The following BMP1 variants were observed in gnomAD, a reference collection of about 807,000 sequenced individuals.
BMP1 encodes the protein bone morphogenetic protein 1.
BMP1 carries 63 observed loss-of-function variants against 116.8 expected under a neutral mutation model. The observed-to-expected ratio is 0.54, with a 90% CI of 0.44 to 0.67. BMP1 has a LOEUF of 0.67. Among genes scored for constraint, BMP1 ranks in the 30% least tolerant of loss-of-function variants. BMP1 has a pLI of 0.00. For synonymous variants in BMP1, 536 were observed against 533.4 expected, an observed-to-expected ratio of 1.00 and a Z score of -0.07; for missense variants, 1,183 against 1,358.9, an observed-to-expected ratio of 0.87 and a Z score of 2.04.
rs113719738 is a variant in BMP1 at position 22,191,863 on chromosome 8, G to C, written c.1078-186G>C. 3.1e-3 allele frequency among the ~76,000 whole-genome samples: 466 copies of C among 152,352 alleles called. 4 individuals are homozygous for C. Among genetic ancestry groups the C allele is most frequent in the African/African-American group, 0.011 (448 of 41,586 alleles). On this transcript the variant is annotated intron_variant, in intron 8 of 19. Transcript: ENST00000306385. ...CCCTCCTGGGCCTTCTAGGAAGAAA[G>C]CTGACCATACACAGACAACTGTGGA...
chr8:22,209,541 A>G lies in BMP1; in HGVS notation c.2672A>G (p.Glu891Gly). 1 of 1,614,166 alleles carries G rather than the reference A, an allele frequency of 6.2e-7. No individual in the cohort carries two copies. Among genetic ancestry groups the G allele is most frequent in the Non-Finnish European group, 8.5e-7 (1 of 1,180,012 alleles). Residue 891 changes from glutamate (E) to glycine (G), a missense_variant, in exon 19 of 20, where the codon GAG becomes GGG. Glu to Gly is a moderately conservative substitution (Grantham distance 98). Around this residue, in one of 4 missense-constraint regions of BMP1, gnomAD observed 956 missense variants for 1,135.2 expected, o/e 0.84. Transcript: ENST00000306385. ...AACTACCCTGGGGGTGTGGACTGTG[A>G]GTGGGTCATTGTGGCCGAGGAAGGC... Reference protein sequence around the residue: ...DNNYPGGVDCEWVIVAEEGYG... With the variant: ...DNNYPGGVDCGWVIVAEEGYG...
rs1828554633 is a variant in BMP1 at position 22,179,653 on chromosome 8, C to G, written c.837-52C>G. On this transcript the variant is annotated intron_variant, in intron 6 of 19. Coordinates refer to ENST00000306385, the MANE Select transcript of BMP1 (RefSeq NM_006129.5). The surrounding 1 kb of genome is among the most constrained non-coding windows in gnomAD (Gnocchi z 4.6). Reference sequence around the variant, plus strand: ...GTACAGATGGGCATGCCACCCACTCCCTGCCCACTGTCCATGAGACGCTCA... The same window carrying G: ...GTACAGATGGGCATGCCACCCACTCGCTGCCCACTGTCCATGAGACGCTCA... 2.5e-6 allele frequency: 4 copies of G among 1,610,174 alleles called. No individual in the cohort carries two copies. Among genetic ancestry groups the G allele is most frequent in the Non-Finnish European group, 3.4e-6 (4 of 1,177,886 alleles).
Position 22,195,591 on chromosome 8 carries a change from A to G in BMP1, c.1765+4A>G. ...CCAGACAAGCGCCGCTGTGAGGGTG[A>G]GTGCCCCCAGACTGCCTCTGACCCT... On this transcript the variant is annotated splice_donor_region_variant and intron_variant, in intron 13 of 19. Coordinates refer to ENST00000306385, the MANE Select transcript of BMP1 (RefSeq NM_006129.5). The G allele has an allele frequency of 6.2e-7, 1 of 1,610,882 alleles. No homozygotes were observed. The highest frequency in any genetic ancestry group is 8.5e-7 in the Non-Finnish European group (1 of 1,179,356).
intron 8 of BMP1, among the ~76,000 whole-genome samples, chr8:22,181,495 A>G (rs985901110): frequency 2.0e-5 from 3 of 151,604 alleles, no homozygotes; most frequent in African/African-American, 7.3e-5. Flanking sequence ...TTGAATACCT[A>G]AGGTGATGAG....
chr8:22,177,956 A>C lies in BMP1; in HGVS notation c.835A>C (p.Arg279=). 2 of 1,605,640 alleles carry C rather than the reference A, an allele frequency of 1.2e-6. No individual in the cohort carries two copies. Among genetic ancestry groups the C allele is most frequent in the Non-Finnish European group, 1.7e-6 (2 of 1,173,524 alleles). The change falls in exon 6 of 20, where the codon AGG becomes CGG. Residue 279 remains arginine, a splice_region_variant and synonymous_variant. Transcript: ENST00000306385. ...GCATTACGCTCGGAACACATTCTCC[A>C]GGTGGGAGACGGGATTGGGGCTGGG... ...IMHYARNTFS[R]GIFLDTIVPK...
chr8:22,197,944 G>A (rs1829140064), intron 15 of BMP1, among the ~76,000 whole-genome samples: 1 of 152,192 alleles, frequency 6.6e-6, no homozygotes, highest in Non-Finnish European at 1.5e-5. Flanking sequence ...CAGCACTCAG[G>A]AAGGCCGAGG....
chr8:22,180,303 G>A, intron 7 of BMP1, 65 bp from the exon 8 acceptor site: 1 of 1,335,306 alleles, frequency 7.5e-7, no homozygotes, highest in South Asian at 1.2e-5. Flanking sequence ...TTCAGGGGTG[G>A]GTGAGCCAGA....
At chr8:22,189,798 CG>C (rs1828879178) in intron 8 of BMP1, among the ~76,000 whole-genome samples, 1 of 152,162 alleles carries the variant, frequency 6.6e-6, no homozygotes, top group African/African-American at 2.4e-5. Context: ...TCTACTCCCT[CG>C]CAAGAGCTAG....
chr8:22,187,441 C>T (rs1037908577), intron 8 of BMP1, among the ~76,000 whole-genome samples: 3 of 151,454 alleles, frequency 2.0e-5, no homozygotes, highest in Admixed American at 2.0e-4. Context: ...AGCCATTCTC[C>T]TGCCTCAGCC....
chr8:22,201,973 G>A (rs747310506), intron 16 of BMP1, 45 bp downstream of exon 16: 1 of 1,576,972 alleles, frequency 6.3e-7, no homozygotes. Context: ...AGGACCTGCT[G>A]CTGGGAGTGG....
chr8:22,165,570 C>A lies in BMP1; in HGVS notation c.148+17C>A, dbSNP rs1162966900. The A allele has an allele frequency of 6.4e-7, 1 of 1,569,880 alleles. No individual in the cohort carries two copies. Among genetic ancestry groups the A allele is most frequent in the Non-Finnish European group, 8.6e-7 (1 of 1,162,230 alleles). On this transcript the variant is annotated intron_variant, in intron 1 of 19. Coordinates refer to ENST00000306385, the MANE Select transcript of BMP1 (RefSeq NM_006129.5). Reference sequence around the variant, plus strand: ...GCAAGGCGGGTGAGCGCCCCCCGGCCCCCCGGCGACGGGCCAGGCGGGGAG... The same window carrying A: ...GCAAGGCGGGTGAGCGCCCCCCGGCACCCCGGCGACGGGCCAGGCGGGGAG...
At chr8:22,176,744 T>C (rs1828448091) in intron 4 of BMP1, 94 bp downstream of exon 4, 1 of 1,375,470 alleles carries the variant, frequency 7.3e-7, no homozygotes, top group Non-Finnish European at 1.0e-6. Context: ...GGGCACAGCC[T>C]TGGGTCCCTT....
At chr8:22,195,060 G>A (rs1829043068) in intron 12 of BMP1, 141 bp downstream of exon 12, 2 of 916,822 alleles carry the variant, frequency 2.2e-6, no homozygotes, top group Admixed American at 6.3e-5. Context: ...GGAGCTCTGG[G>A]CTAGCTGGGG....
chr8:22,167,174 G>T (rs2131834494), intron 1 of BMP1, among the ~76,000 whole-genome samples: 1 of 152,208 alleles, frequency 6.6e-6, no homozygotes, highest in South Asian at 2.1e-4. Context: ...TGGGATTGCT[G>T]GTGTCTCCTT....
chr8:22,206,399 G>A (rs959276747), intron 16 of BMP1, among the ~76,000 whole-genome samples: 9 of 151,954 alleles, frequency 5.9e-5, no homozygotes, highest in Non-Finnish European at 1.3e-4. Flanking sequence ...ATACTGAGGA[G>A]GCTAAGGCAG....
chr8:22,185,110 T>C (rs1260010429), intron 8 of BMP1, among the ~76,000 whole-genome samples: 2 of 152,160 alleles, frequency 1.3e-5, no homozygotes, highest in Non-Finnish European at 2.9e-5. Context: ...GGACTGACAG[T>C]GTTTCCCCAG....
chr8:22,177,076 C>A lies in BMP1; in HGVS notation c.667C>A (p.His223Asn). The A allele has an allele frequency of 6.2e-7, 1 of 1,612,402 alleles. No homozygotes were observed. Among genetic ancestry groups the A allele is most frequent in the East Asian group, 2.2e-5 (1 of 44,828 alleles). ...HELGHVVGFWHEHTRPDRDRH... is the reference protein window; with the variant it reads ...HELGHVVGFWNEHTRPDRDRH... ...GCTGGGCCACGTCGTCGGCTTCTGG[C>A]ACGAACACACTCGGCCAGACCGGGA... is the stretch of plus-strand genomic sequence containing the variant. Residue 223 changes from histidine (H) to asparagine (N), a missense_variant, in exon 5 of 20, where the codon CAC (histidine) becomes AAC (asparagine). Transcript: ENST00000306385.
chr8:22,208,530 C>T (rs1446596782), intron 18 of BMP1, among the ~76,000 whole-genome samples: 1 of 152,194 alleles, frequency 6.6e-6, no homozygotes, highest in Admixed American at 6.5e-5. Flanking sequence ...TAGAGGCATT[C>T]GAGGCAGGGG....
At chr8:22,207,237 C>T (rs1395992060) in intron 17 of BMP1, 66 bp from the exon 18 acceptor site, 7 of 1,531,028 alleles carry the variant, frequency 4.6e-6, no homozygotes, top group Non-Finnish European at 6.3e-6. Context: ...GGTTTGGGGC[C>T]CTCATCCTTG....
Sources: gnomAD v4.1 joint callset for allele counts (sites outside exome capture counted in the v4.1 genomes callset) on GRCh38, gnomAD v4.1.1 for gene constraint, gnomAD v4.1.1 regional missense constraint, Gnocchi (gnomAD v3.1) non-coding constraint, MANE v1.5 for transcripts, NCBI Gene and HGNC (gene_info 2026-07-23, HGNC 2026-07-21) for gene names.